Variants in PLCH1 observed in about 807,000 individuals in gnomAD.
PLCH1 encodes 1-phosphatidylinositol 4,5-bisphosphate phosphodiesterase eta-1.
PLCH1 carries 60 observed loss-of-function variants against 126.7 expected under a neutral mutation model. The observed-to-expected ratio is 0.47, with a 90% CI of 0.38 to 0.59. The LOEUF is 0.59. Ranked by LOEUF, PLCH1 falls within the 20% of genes least tolerant of loss-of-function variation. The pLI, the probability that PLCH1 is intolerant of heterozygous loss-of-function variation, is 0.00. For synonymous variants in PLCH1, 719 were observed against 734.9 expected (o/e 0.98, Z 0.35); for missense variants, 1,723 against 2,040.0 (o/e 0.84, Z 2.99).
chr3:155,743,705 T>A, intron 1 of PLCH1: 1 of 363,778 alleles, frequency 2.7e-6, no homozygotes. Flanking sequence ...TCATTGGCAT[T>A]ATACTCTGGT....
At chr3:155,526,152 T>A (rs916176888) in intron 10 of PLCH1, among the ~76,000 whole-genome samples, 2 of 152,148 alleles carry the variant, frequency 1.3e-5, no homozygotes, top group African/African-American at 4.8e-5. Flanking sequence ...CCAAGGCGAC[T>A]GCAGTAGGCA....
intron 2 of PLCH1, chr3:155,658,222 C>A: frequency 4.9e-6 from 1 of 205,726 alleles, no homozygotes; most frequent in South Asian, 9.5e-5. Flanking sequence ...CCGTTCTGAT[C>A]ATCCTCCCTG....
chr3:155,680,029 C>A (rs1445993264), intron 2 of PLCH1, among the ~76,000 whole-genome samples: 3 of 152,008 alleles, frequency 2.0e-5, no homozygotes, highest in African/African-American at 7.3e-5. Context: ...CCACACAATG[C>A]CAGAAGCTGT....
chr3:155,490,345 T>C (rs1311924040), intron 19 of PLCH1, among the ~76,000 whole-genome samples: 1 of 152,072 alleles, frequency 6.6e-6, no homozygotes, highest in Non-Finnish European at 1.5e-5. Context: ...AGAAGTAAAC[T>C]CGCCAGACTA....
At chr3:155,459,433 T>G (rs972213672) in intron 21 of PLCH1, among the ~76,000 whole-genome samples, 12 of 152,188 alleles carry the variant, frequency 7.9e-5, no homozygotes, top group African/African-American at 2.2e-4. Flanking sequence ...ATTTCGAATT[T>G]CATGTCTAAC....
chr3:155,471,828 C>A (rs1038891490), intron 21 of PLCH1, among the ~76,000 whole-genome samples: 1 of 152,186 alleles, frequency 6.6e-6, no homozygotes, highest in African/African-American at 2.4e-5. Flanking sequence ...TGAATAACTA[C>A]TGGATACATA....
intron 6 of PLCH1, among the ~76,000 whole-genome samples, chr3:155,572,340 C>A (rs548552580): frequency 6.6e-6 from 1 of 152,200 alleles, no homozygotes; most frequent in African/African-American, 2.4e-5. Context: ...ATTGCTCTCA[C>A]GATTTTTGGC....
chr3:155,494,539 A>AC (rs1716729319), intron 15 of PLCH1, 22 bp from the exon 16 acceptor site: 1 of 1,600,746 alleles, frequency 6.2e-7, no homozygotes, highest in African/African-American at 1.3e-5. Context: ...TAATCGAGAA[A>AC]AAAGGAAGTG....
At chr3:155,661,367 G>A (rs1024073521) in intron 2 of PLCH1, among the ~76,000 whole-genome samples, 1 of 152,148 alleles carries the variant, frequency 6.6e-6, no homozygotes, top group Non-Finnish European at 1.5e-5. Context: ...CCATCTATAA[G>A]CCAGGTTCTG....
chr3:155,497,801 G>A (rs1239312855), intron 14 of PLCH1, among the ~76,000 whole-genome samples: 1 of 152,050 alleles, frequency 6.6e-6, no homozygotes, highest in African/African-American at 2.4e-5. Flanking sequence ...TGCAACCTCT[G>A]CCTCCCAGGT....
intron 2 of PLCH1, among the ~76,000 whole-genome samples, chr3:155,662,844 A>C (rs1742323415): frequency 6.6e-6 from 1 of 151,950 alleles, no homozygotes; most frequent in Non-Finnish European, 1.5e-5. Flanking sequence ...TTGTATTTTT[A>C]GTAGAGATGG....
At position 155,529,971 on chromosome 3, in the gene PLCH1, T is replaced by C. The variant is rs762635067; in HGVS notation, c.1363-5967A>G. ...TAGTAGAGATGGGGTTTTACCATGT[T>C]GGTCAGGCTGGTCTTGAACTCCTGA... On this transcript the variant is annotated intron_variant, in intron 10 of 22. Coordinates refer to ENST00000460012, the MANE Select transcript of PLCH1 (RefSeq NM_014996.4). Among the ~76,000 whole-genome samples, 12 of 152,170 alleles carry C rather than the reference T, an allele frequency of 7.9e-5. 1 individual carries two copies. The highest frequency in any genetic ancestry group is 3.9e-4 in the Admixed American group (6 of 15,278).
chr3:155,670,720 T>C (rs1021778005), intron 2 of PLCH1, among the ~76,000 whole-genome samples: 1 of 152,124 alleles, frequency 6.6e-6, no homozygotes, highest in Admixed American at 6.5e-5. Context: ...TTTCCCAAAA[T>C]ACCACTTTTA....
intron 6 of PLCH1, among the ~76,000 whole-genome samples, chr3:155,575,018 C>T (rs1014814528): frequency 1.3e-5 from 2 of 151,982 alleles, no homozygotes; most frequent in Non-Finnish European, 2.9e-5. Flanking sequence ...ACAATCCCAG[C>T]TTCTTGGGAG....
intron 2 of PLCH1, among the ~76,000 whole-genome samples, chr3:155,682,907 G>A (rs886497505): frequency 1.3e-5 from 2 of 152,192 alleles, no homozygotes; most frequent in African/African-American, 4.8e-5. Context: ...AATAAATGCT[G>A]AGAATAGCCT....
intron 8 of PLCH1, among the ~76,000 whole-genome samples, chr3:155,554,794 C>T (rs1052711579): frequency 2.0e-5 from 3 of 152,042 alleles, no homozygotes; most frequent in Non-Finnish European, 4.4e-5. Context: ...ACTTGTTTTC[C>T]CCATCTAGAA....
At chr3:155,508,495 C>A (rs1718969809) in intron 12 of PLCH1, among the ~76,000 whole-genome samples, 1 of 99,240 alleles carries the variant, frequency 1.0e-5, no homozygotes, top group Non-Finnish European at 1.9e-5. Flanking sequence ...GTGGGTTTGT[C>A]ATAGATAGCT....
At chr3:155,537,601 T>C (rs1403606166) in intron 10 of PLCH1, among the ~76,000 whole-genome samples, 2 of 152,084 alleles carry the variant, frequency 1.3e-5, no homozygotes, top group African/African-American at 4.8e-5. Flanking sequence ...CAGCTATCCT[T>C]ATATCAGACA....
chr3:155,505,721 G>A (rs1267166986), intron 12 of PLCH1, among the ~76,000 whole-genome samples: 1 of 152,112 alleles, frequency 6.6e-6, no homozygotes, highest in East Asian at 1.9e-4. Flanking sequence ...ATTCATACAT[G>A]TTTATTGCTT....
Sources: allele counts gnomAD v4.1 joint callset (sites outside exome capture counted in the v4.1 genomes callset), GRCh38; gene constraint gnomAD v4.1.1; transcripts MANE v1.5; gene names NCBI Gene and HGNC (gene_info 2026-07-23, HGNC 2026-07-21).